Variants in CACNG7 observed in about 807,000 individuals in gnomAD.
CACNG7 encodes voltage-dependent calcium channel gamma-7 subunit.
In CACNG7, 9 loss-of-function variants were observed where a neutral mutation model predicts 26.3. The observed-to-expected ratio is 0.34, with a 90% CI of 0.21 to 0.60. The LOEUF (loss-of-function observed/expected upper bound fraction) is 0.60, where lower values mean the gene tolerates loss of function less well. Ranked by LOEUF, CACNG7 falls within the 20% of genes least tolerant of loss-of-function variation. The pLI is 0.81. For synonymous variants in CACNG7, 170 were observed against 157.0 expected (o/e 1.08, Z -0.62); for missense variants, 297 against 380.4 (o/e 0.78, Z 1.82).
chr19:53,919,194 A>G (rs2068918453), intron 4 of CACNG7, among the ~76,000 whole-genome samples: 1 of 152,244 alleles, frequency 6.6e-6, no homozygotes, highest in Non-Finnish European at 1.5e-5. Flanking sequence ...AGGAGATTTA[A>G]AAGGAGAAGT....
At chr19:53,918,400 A>T (rs879488208) in intron 4 of CACNG7, among the ~76,000 whole-genome samples, 69 of 152,338 alleles carry the variant, frequency 4.5e-4, no homozygotes, top group African/African-American at 1.6e-3. Flanking sequence ...TGTTCCAGTG[A>T]CTATTTGTGG....
chr19:53,937,144 C>A (rs1346644630), intron 4 of CACNG7, among the ~76,000 whole-genome samples: 1 of 152,176 alleles, frequency 6.6e-6, no homozygotes, highest in African/African-American at 2.4e-5. Flanking sequence ...CCCACCTCGG[C>A]CTCCCGAGGT....
chr19:53,918,614 T>C (rs2068913634), intron 4 of CACNG7, among the ~76,000 whole-genome samples: 1 of 152,200 alleles, frequency 6.6e-6, no homozygotes, highest in Non-Finnish European at 1.5e-5. Context: ...CTGCCTGGAC[T>C]GTAACAGTAA....
intron 4 of CACNG7, among the ~76,000 whole-genome samples, chr19:53,933,937 A>G (rs2069089723): frequency 6.6e-6 from 1 of 151,774 alleles, no homozygotes; most frequent in Admixed American, 6.6e-5. Context: ...TCGCTTTGTC[A>G]CCCAGGCTGG....
intron 3 of CACNG7, among the ~76,000 whole-genome samples, chr19:53,915,090 A>C (rs570843637): frequency 6.6e-6 from 1 of 151,830 alleles, no homozygotes; most frequent in African/African-American, 2.4e-5. Flanking sequence ...GCAAGGTTGA[A>C]GGGGTGAGGT....
intron 4 of CACNG7, among the ~76,000 whole-genome samples, chr19:53,930,092 AAGC>A (rs1346101260): frequency 2.0e-5 from 3 of 151,460 alleles, no homozygotes; most frequent in Non-Finnish European, 2.9e-5. Context: ...AAAAAAAAAA[AAGC>A]AGGTTAGGAG....
At chr19:53,941,926 A>T (rs2069139803) in intron 5 of CACNG7, 110 bp from the exon 6 acceptor site, 1 of 1,347,346 alleles carries the variant, frequency 7.4e-7, no homozygotes, top group East Asian at 2.6e-5. Flanking sequence ...GTCCTGGGAT[A>T]GGAAGGGGCT....
rs116271193 is a variant in CACNG7, at chr19:53,916,466, C to T, written c.424+961C>T. On this transcript the variant is annotated intron_variant, in intron 4 of 5. Coordinates refer to ENST00000391767, the MANE Select transcript of CACNG7 (RefSeq NM_031896.5). ...AGGACTTCAGTGTCCAGAGTTCCAG[C>T]AATGCCTTTTTTCTTTCTTTCTTTT... Among the ~76,000 whole-genome samples the T allele has an allele frequency of 9.6e-3, 1,435 of 149,292 alleles. 37 individuals are homozygous for T. The highest frequency in any genetic ancestry group is 0.034 in the African/African-American group (1,377 of 40,040).
intron 4 of CACNG7, among the ~76,000 whole-genome samples, chr19:53,933,139 A>T (rs750398394): frequency 2.0e-5 from 3 of 149,872 alleles, no homozygotes; most frequent in Admixed American, 6.7e-5. Flanking sequence ...ACAGAGTCTC[A>T]CTCTGTCACC....
chr19:53,923,427 TATTGGTGGAGTTGTCCCCAGGCCTGGTC>T (rs2068983969), intron 4 of CACNG7, among the ~76,000 whole-genome samples: 1 of 110,866 alleles, frequency 9.0e-6, no homozygotes, highest in Non-Finnish European at 1.8e-5. Context: ...CCAGGTCTGG[TATTGGTGGAGTTGTCCCCAGGCCTGGTC>T]ATTGGTGGAG....
intron 4 of CACNG7, among the ~76,000 whole-genome samples, chr19:53,920,034 C>G (rs1333373568): frequency 1.5e-5 from 2 of 131,176 alleles, no homozygotes; most frequent in Non-Finnish European, 3.1e-5. Flanking sequence ...TGGACTTGCC[C>G]CAGGCTGGTC....
At position 53,911,576 on chromosome 19, in the gene CACNG7, G is replaced by T. The variant is rs536777354; in HGVS notation, c.-29-1227G>T. ...GAGCAAGATTGGGTTTTAAGACGGGGTGCAAGAATGTGGAGAAGGGACGAG... is the reference window on the plus strand; with the variant it reads ...GAGCAAGATTGGGTTTTAAGACGGGTTGCAAGAATGTGGAGAAGGGACGAG... On this transcript the variant is annotated intron_variant, in intron 1 of 5. Coordinates refer to ENST00000391767, the MANE Select transcript of CACNG7 (RefSeq NM_031896.5). Among the ~76,000 whole-genome samples the T allele has an allele frequency of 2.0e-4, 31 of 152,262 alleles. No homozygotes were observed. The Middle Eastern group carries it at 0.014, about 67-fold the overall frequency.
intron 4 of CACNG7, among the ~76,000 whole-genome samples, chr19:53,932,167 C>T (rs973608820): frequency 4.0e-5 from 6 of 148,424 alleles, no homozygotes; most frequent in Non-Finnish European, 5.9e-5. Flanking sequence ...GTGGAAGAAT[C>T]GCTTTGAACC....
chr19:53,929,004 G>A (rs1315840926), intron 4 of CACNG7, among the ~76,000 whole-genome samples: 1 of 151,060 alleles, frequency 6.6e-6, no homozygotes, highest in South Asian at 2.1e-4. Flanking sequence ...AGCTACTCAG[G>A]AGGCTGAGGC....
chr19:53,923,167 G>T (rs1404176245), intron 4 of CACNG7, among the ~76,000 whole-genome samples: 1 of 95,790 alleles, frequency 1.0e-5, no homozygotes, highest in Non-Finnish European at 2.0e-5. Context: ...GTCATTGGTG[G>T]AGTTGTCCCA....
chr19:53,923,819 CCCAGG>C (rs1485435845), intron 4 of CACNG7, among the ~76,000 whole-genome samples: 7 of 120,912 alleles, frequency 5.8e-5, no homozygotes, highest in African/African-American at 2.7e-4. Flanking sequence ...GTGGAGTTGC[CCCAGG>C]TCTGGTCATT....
Position 53,912,644 on chromosome 19 carries a change from C to G in CACNG7, c.-29-159C>G. On this transcript the variant is annotated intron_variant, in intron 1 of 5. Transcript: ENST00000391767. The surrounding 1 kb of genome is among the most constrained non-coding windows in gnomAD (Gnocchi z 4.6). The stretch of plus-strand genomic sequence containing the variant: ...AACAGTTGGTGTCTCTGGTCAGACT[C>G]TAGGGTTGGGGTCATGGGTCAGGCC... 1.7e-6 allele frequency: 1 copy of G among 595,762 alleles called. No homozygotes were observed. The highest frequency in any genetic ancestry group is 2.1e-5 in the South Asian group (1 of 47,504). 36.9% of individuals were successfully genotyped at this position (595,762 alleles called of 1,614,324 possible).
chr19:53,929,273 A>G (rs2069055492), intron 4 of CACNG7, among the ~76,000 whole-genome samples: 1 of 128,794 alleles, frequency 7.8e-6, no homozygotes. Context: ...TGAGAGAGAG[A>G]GAGGGAGAGA....
At chr19:53,921,389 G>C (rs1400258489) in intron 4 of CACNG7, among the ~76,000 whole-genome samples, 24 of 130,250 alleles carry the variant, frequency 1.8e-4, no homozygotes, top group South Asian at 5.1e-4. Flanking sequence ...CATTGGTGGA[G>C]TTGCCCCAGG....
Sources: allele counts gnomAD v4.1 joint callset (sites outside exome capture counted in the v4.1 genomes callset), GRCh38; gene constraint gnomAD v4.1.1; non-coding constraint Gnocchi (gnomAD v3.1); transcripts MANE v1.5; gene names NCBI Gene and HGNC (gene_info 2026-07-23, HGNC 2026-07-21).